The following STOML3 variants were observed in gnomAD, a reference collection of about 807,000 sequenced individuals.
The protein encoded by STOML3 is stomatin-like protein 3.
A neutral mutation model predicts 29.5 loss-of-function variants in STOML3; 31 were observed. The observed-to-expected ratio is 1.05, with a 90% CI of 0.79 to 1.42. The LOEUF is 1.42. STOML3 is among the 40% of genes most tolerant of loss of function. The pLI, the probability that STOML3 is intolerant of heterozygous loss-of-function variation, is 0.00. For synonymous variants in STOML3, 122 were observed against 139.8 expected, an observed-to-expected ratio of 0.87 and a Z score of 0.90; for missense variants, 380 against 363.0, an observed-to-expected ratio of 1.05 and a Z score of -0.38.
chr13:38,971,381 A>G (rs1880860960), intron 4 of STOML3, among the ~76,000 whole-genome samples: 1 of 152,198 alleles, frequency 6.6e-6, no homozygotes, highest in Non-Finnish European at 1.5e-5. Context: ...AGTGACATGA[A>G]GACATCATGT....
At chr13:38,970,045 C>A (rs766165076) in intron 5 of STOML3, 140 bp downstream of exon 5, 10 of 681,026 alleles carry the variant, frequency 1.5e-5, no homozygotes, top group Non-Finnish European at 2.2e-5. Flanking sequence ...TGAAGCTCAC[C>A]TCTAGAGCAG....
chr13:38,988,532 T>G (rs1295315994), intron 1 of STOML3, among the ~76,000 whole-genome samples: 3 of 107,554 alleles, frequency 2.8e-5, no homozygotes, highest in African/African-American at 1.2e-4. Flanking sequence ...ATTTTATATA[T>G]AATATATTTT....
rs1302841781 is a variant in STOML3 at position 38,988,125 on chromosome 13, T to A, written c.52+2545A>T. On this transcript the variant is annotated intron_variant, in intron 1 of 6. Transcript: ENST00000379631. ...ATTTTATATCATATATTTTATATAT[T>A]ATATTTTATATCATATATTTTATAT... 2.9e-4 allele frequency among the ~76,000 whole-genome samples: 18 copies of A among 62,162 alleles called. 1 individual carries two copies. The highest frequency in any genetic ancestry group is 1.2e-3 in the Admixed American group (5 of 4,340). The allele number at this position is 62,162 out of a possible 152,430, so 40.8% of individuals were successfully genotyped here.
At chr13:38,972,749 C>T (rs1334500842) in intron 3 of STOML3, among the ~76,000 whole-genome samples, 155 bp from the exon 4 acceptor site, 2 of 152,124 alleles carry the variant, frequency 1.3e-5, no homozygotes, top group Non-Finnish European at 2.9e-5. Flanking sequence ...ATGATTTCAT[C>T]CTCTAGGTCA....
At chr13:38,984,380 TTC>T (rs1868425547) in intron 1 of STOML3, among the ~76,000 whole-genome samples, 1 of 152,184 alleles carries the variant, frequency 6.6e-6, no homozygotes, top group Non-Finnish European at 1.5e-5. Flanking sequence ...AGGAAGATTT[TTC>T]TCTGTCACCC....
At chr13:38,985,711 T>C (rs1192533621) in intron 1 of STOML3, among the ~76,000 whole-genome samples, 1 of 151,972 alleles carries the variant, frequency 6.6e-6, no homozygotes, top group African/African-American at 2.4e-5. Context: ...TGTCATATTA[T>C]GTATATATTT....
At chr13:38,989,887 C>A (rs1339697930) in intron 1 of STOML3, among the ~76,000 whole-genome samples, 1 of 151,896 alleles carries the variant, frequency 6.6e-6, no homozygotes, top group African/African-American at 2.4e-5. Context: ...AGGTACAGAG[C>A]ACAGGTTAGG....
rs949877795 is a variant in STOML3 at position 38,977,640 on chromosome 13, T to A, written c.53-843A>T. Among the ~76,000 whole-genome samples, 5 of 152,288 alleles carry A rather than the reference T, an allele frequency of 3.3e-5. No homozygotes were observed. In the East Asian group the frequency reaches 9.6e-4, roughly 29 times the overall value. On this transcript the variant is annotated intron_variant, in intron 1 of 6. Transcript: ENST00000379631. Reference sequence around the variant, plus strand: ...ATTATGATAGCAGGTGCATTTTGGCTTAATGAATATTGCTTTGCAATAAGA... The same window carrying A: ...ATTATGATAGCAGGTGCATTTTGGCATAATGAATATTGCTTTGCAATAAGA...
intron 3 of STOML3, among the ~76,000 whole-genome samples, chr13:38,973,117 A>C (rs903595576): frequency 4.1e-5 from 6 of 147,956 alleles, no homozygotes; most frequent in South Asian, 2.1e-4. Flanking sequence ...AAAAAAAAAA[A>C]AAAAAAAAAA....
intron 1 of STOML3, among the ~76,000 whole-genome samples, chr13:38,978,351 G>A (rs866787888): frequency 8.6e-5 from 13 of 151,470 alleles, no homozygotes; most frequent in Non-Finnish European, 1.5e-4. Flanking sequence ...ACGGGGTTTC[G>A]CCATGTTGGC....
chr13:38,974,450 C>A (rs1880998654), intron 3 of STOML3, among the ~76,000 whole-genome samples: 1 of 152,056 alleles, frequency 6.6e-6, no homozygotes, highest in Non-Finnish European at 1.5e-5. Flanking sequence ...AGTTAAGTCC[C>A]AACCTACTAC....
intron 1 of STOML3, among the ~76,000 whole-genome samples, chr13:38,986,996 A>T (rs978188484): frequency 6.6e-6 from 1 of 152,160 alleles, no homozygotes; most frequent in African/African-American, 2.4e-5. Flanking sequence ...TTTAACTCTT[A>T]GAAGACAAAA....
rs545913673 is a variant in STOML3, at chr13:38,971,510, T to C, written c.312+1002A>G. Among the ~76,000 whole-genome samples, 183 of 152,322 alleles carry C rather than the reference T, an allele frequency of 1.2e-3. 1 individual carries two copies. Among genetic ancestry groups the C allele is most frequent in the African/African-American group, 4.3e-3 (177 of 41,576 alleles). ...CATATCGTAGGTCCTGAATTTCTCT[T>C]CCTCTAACCTGAACCACTTTGGTTA... On this transcript the variant is annotated intron_variant, in intron 4 of 6. Transcript: ENST00000379631.
intron 1 of STOML3, among the ~76,000 whole-genome samples, chr13:38,986,101 A>T (rs1358374383): frequency 7.6e-6 from 1 of 131,848 alleles, no homozygotes; most frequent in Non-Finnish European, 1.5e-5. Context: ...TTGCCCCTGG[A>T]CATGATCTCG....
At position 38,966,916 on chromosome 13, in the gene STOML3, G is replaced by A. The variant is rs773471679; in HGVS notation, c.785C>T (p.Ser262Phe). Residue 262 changes from serine (S) to phenylalanine (F), a missense_variant, in exon 7 of 7, where the codon TCT becomes TTT. Transcript: ENST00000379631. ...TLSTVATEKN[S>F]TIVFPLPMNI... is the part of the protein sequence containing the mutation. ...CATGGGCAGAGGAAACACAATCGTA[G>A]AATTCTTCTCGGTGGCTACCGTGCT... The A allele has an allele frequency of 6.2e-7, 1 of 1,614,078 alleles. No homozygotes were observed. The highest frequency in any genetic ancestry group is 8.5e-7 in the Non-Finnish European group (1 of 1,180,020).
intron 3 of STOML3, among the ~76,000 whole-genome samples, chr13:38,975,100 CG>C (rs1396608486): frequency 6.6e-6 from 1 of 151,982 alleles, no homozygotes; most frequent in Non-Finnish European, 1.5e-5. Flanking sequence ...GAGGTCGAGA[CG>C]GGCGGATCAC....
chr13:38,967,155 G>T, intron 6 of STOML3, 106 bp from the exon 7 acceptor site: 1 of 977,354 alleles, frequency 1.0e-6, no homozygotes, highest in Non-Finnish European at 1.5e-6. Context: ...CCCCCATGTT[G>T]CCACATGTGT....
chr13:38,970,415 A>G (rs746213119), intron 4 of STOML3, 27 bp from the exon 5 acceptor site: 2 of 1,596,898 alleles, frequency 1.3e-6, no homozygotes, highest in South Asian at 2.2e-5. Flanking sequence ...GGGCAAAATC[A>G]CTTATTTATG....
chr13:38,980,262 A>T, intron 1 of STOML3: 1 of 844,960 alleles, frequency 1.2e-6, no homozygotes, highest in Non-Finnish European at 1.8e-6. Context: ...TGCCAGTTAA[A>T]GTGGGGCTGT....
Sources: allele counts gnomAD v4.1 joint callset (sites outside exome capture counted in the v4.1 genomes callset), GRCh38; gene constraint gnomAD v4.1.1; transcripts MANE v1.5; gene names NCBI Gene and HGNC (gene_info 2026-07-23, HGNC 2026-07-21).